KHDRBS2: variants seen among roughly 807,000 people sequenced by gnomAD.
KHDRBS2 encodes the protein KH RNA binding domain containing, signal transduction associated 2, also known as KH domain-containing, RNA-binding, signal transduction-associated protein 2.
Under a neutral mutation model 44.3 loss-of-function variants are expected in KHDRBS2, and 26 were observed. The observed-to-expected ratio is 0.59, with a 90% CI of 0.43 to 0.81. KHDRBS2 has a LOEUF of 0.81. Among genes scored for constraint, KHDRBS2 ranks in the 40% least tolerant of loss-of-function variants. KHDRBS2 has a pLI of 0.00. For synonymous variants in KHDRBS2, 194 were observed against 151.1 expected (o/e 1.28, Z -2.08); for missense variants, 476 against 433.1 (o/e 1.10, Z -0.88).
intron 6 of KHDRBS2, among the ~76,000 whole-genome samples, chr6:61,786,987 T>C (rs915695746): frequency 2.0e-5 from 3 of 150,062 alleles, no homozygotes; most frequent in African/African-American, 7.3e-5. Flanking sequence ...TATCTTTGTA[T>C]ATTTTATACA....
At position 61,900,516 on chromosome 6, in the gene KHDRBS2, A is replaced by G. The variant is rs548882196; in HGVS notation, c.611+728T>C. On this transcript the variant is annotated intron_variant, in intron 5 of 8. Coordinates refer to ENST00000281156, the MANE Select transcript of KHDRBS2 (RefSeq NM_152688.4). Reference sequence around the variant, plus strand: ...TTTCAAACCAATGCCTTCTATTAAAAGCTTGAACAATTCAGAATCCTGCAA... The same window carrying G: ...TTTCAAACCAATGCCTTCTATTAAAGGCTTGAACAATTCAGAATCCTGCAA... Among the ~76,000 whole-genome samples, 10 of 152,278 alleles carry G rather than the reference A, an allele frequency of 6.6e-5. No homozygotes were observed. In the East Asian group the frequency reaches 1.9e-3, roughly 29 times the overall value.
At chr6:62,051,438 T>C (rs910582693) in intron 2 of KHDRBS2, among the ~76,000 whole-genome samples, 2 of 152,024 alleles carry the variant, frequency 1.3e-5, no homozygotes, top group Non-Finnish European at 2.9e-5. Context: ...AGTGTTTTTT[T>C]AGCACAATTT....
chr6:61,594,246 A>G, the KHDRBS2 span, among the ~76,000 whole-genome samples: 1 of 91,884 alleles, frequency 1.1e-5, no homozygotes, highest in Non-Finnish European at 2.6e-5. Context: ...AACAGTTTAA[A>G]CAAAAAAATA....
chr6:61,574,844 C>T, the KHDRBS2 span, among the ~76,000 whole-genome samples: 1 of 151,984 alleles, frequency 6.6e-6, no homozygotes, highest in Non-Finnish European at 1.5e-5. Context: ...AGAAATGGAG[C>T]TTGCAGTGAG....
intron 6 of KHDRBS2, among the ~76,000 whole-genome samples, chr6:61,735,581 C>A (rs1775201899): frequency 6.6e-6 from 1 of 152,118 alleles, no homozygotes; most frequent in Non-Finnish European, 1.5e-5. Context: ...CATAGTTCCC[C>A]AACCTTTTAT....
intron 1 of KHDRBS2, among the ~76,000 whole-genome samples, chr6:62,279,743 G>GCATT (rs1435335375): frequency 6.6e-6 from 1 of 152,152 alleles, no homozygotes; most frequent in Non-Finnish European, 1.5e-5. Context: ...GCTAGAAAGG[G>GCATT]CATTCTAAAG....
At chr6:62,139,614 T>C (rs753912581) in intron 2 of KHDRBS2, among the ~76,000 whole-genome samples, 4 of 152,100 alleles carry the variant, frequency 2.6e-5, no homozygotes, top group Non-Finnish European at 4.4e-5. Context: ...CAAATATATC[T>C]TTTGACTACT....
At chr6:62,168,895 C>A (rs565244727) in intron 2 of KHDRBS2, among the ~76,000 whole-genome samples, 137 of 151,500 alleles carry the variant, frequency 9.0e-4, no homozygotes, top group African/African-American at 3.3e-3. Context: ...GCCTGAAAGA[C>A]ATTGTATTAT....
At chr6:61,662,356 A>C in the KHDRBS2 span, among the ~76,000 whole-genome samples, 120 of 151,224 alleles carry the variant, frequency 7.9e-4, no homozygotes, top group Non-Finnish European at 1.4e-3. Flanking sequence ...TTCATGTCTA[A>C]AACACCAAAA....
At chr6:61,997,542 G>A (rs940193622) in intron 3 of KHDRBS2, among the ~76,000 whole-genome samples, 9 of 152,096 alleles carry the variant, frequency 5.9e-5, no homozygotes, top group South Asian at 2.1e-4. Context: ...TTGCAAATTC[G>A]GTAAGGGTGT....
chr6:62,169,059 A>ATATATATATATATATATATATATATG (rs1338584117), intron 2 of KHDRBS2, among the ~76,000 whole-genome samples: 12 of 139,620 alleles, frequency 8.6e-5, no homozygotes, highest in Non-Finnish European at 1.4e-4. Flanking sequence ...ATATATATAT[A>ATATATATATATATATATATATATATG]TATGTATACA....
chr6:62,182,857 G>A (rs1204618), intron 1 of KHDRBS2, among the ~76,000 whole-genome samples: 120,851 of 151,664 alleles, frequency 0.8, 48,766 homozygotes, highest in African/African-American at 0.92. Context: ...TCAAAATTCA[G>A]TGTCAAGGTA....
chr6:61,554,120 T>C, the KHDRBS2 span, among the ~76,000 whole-genome samples: 131 of 152,316 alleles, frequency 8.6e-4, 1 homozygote, highest in African/African-American at 3.0e-3. Flanking sequence ...TCCAATATTA[T>C]TGCATAGTTA....
At chr6:61,813,812 T>C (rs1788489939) in intron 6 of KHDRBS2, 1 of 406,690 alleles carries the variant, frequency 2.5e-6, no homozygotes, top group Non-Finnish European at 4.9e-6. Flanking sequence ...TGGTTAATTA[T>C]AACAAAGAAA....
At chr6:61,618,976 A>G in the KHDRBS2 span, among the ~76,000 whole-genome samples, 1 of 152,164 alleles carries the variant, frequency 6.6e-6, no homozygotes, top group South Asian at 2.1e-4. Context: ...TTTTCTGTCT[A>G]TTTTGAGTTA....
chr6:61,906,861 G>A (rs1805125078), intron 4 of KHDRBS2, among the ~76,000 whole-genome samples: 1 of 151,754 alleles, frequency 6.6e-6, no homozygotes, highest in Admixed American at 6.6e-5. Context: ...ATAAACATGG[G>A]CGTGCAGATA....
intron 3 of KHDRBS2, among the ~76,000 whole-genome samples, chr6:61,996,876 G>A (rs1339590981): frequency 1.5e-5 from 2 of 131,816 alleles, no homozygotes; most frequent in South Asian, 2.7e-4. Flanking sequence ...CTCTGCGCCC[G>A]AGTTTAAGCA....
chr6:61,597,606 G>T, the KHDRBS2 span, among the ~76,000 whole-genome samples: 1 of 150,656 alleles, frequency 6.6e-6, no homozygotes, highest in Non-Finnish European at 1.5e-5. Context: ...AGTGATTAAA[G>T]GAAACTGGAT....
intron 6 of KHDRBS2, among the ~76,000 whole-genome samples, chr6:61,761,228 G>A (rs992457335): frequency 6.6e-6 from 1 of 152,182 alleles, no homozygotes; most frequent in Non-Finnish European, 1.5e-5. Flanking sequence ...AAGGAAAGGT[G>A]TTGTCAGTCA....
Sources: gnomAD v4.1 joint callset for allele counts (sites outside exome capture counted in the v4.1 genomes callset) on GRCh38, gnomAD v4.1.1 for gene constraint, MANE v1.5 for transcripts, NCBI Gene and HGNC (gene_info 2026-07-23, HGNC 2026-07-21) for gene names.